PRKG1: variants seen among roughly 807,000 people sequenced by gnomAD.
PRKG1 encodes the protein protein kinase cGMP-dependent 1.
In PRKG1, 35 loss-of-function variants were observed where a neutral mutation model predicts 88.1. That is an observed-to-expected ratio of 0.40 (90% CI 0.30 to 0.53). The LOEUF (loss-of-function observed/expected upper bound fraction) is 0.53. Ranked by LOEUF, PRKG1 falls within the 20% of genes least tolerant of loss-of-function variation. The pLI is 0.59. For synonymous variants in PRKG1, 303 were observed against 292.5 expected (o/e 1.04, Z -0.37); for missense variants, 540 against 839.8 (o/e 0.64, Z 4.41).
At chr10:51,620,472 A>G (rs1278148201) in intron 3 of PRKG1, among the ~76,000 whole-genome samples, 1 of 152,054 alleles carries the variant, frequency 6.6e-6, no homozygotes, top group East Asian at 1.9e-4. Context: ...GTCCTAGGTA[A>G]TGGAAAAATA....
chr10:51,576,694 C>T (rs1837896166), intron 3 of PRKG1, among the ~76,000 whole-genome samples: 1 of 151,850 alleles, frequency 6.6e-6, no homozygotes, highest in Admixed American at 6.6e-5. Context: ...AGAGCAATAT[C>T]CCATTCCTAA....
At chr10:51,698,345 T>C (rs1841362866) in intron 3 of PRKG1, 1 of 1,614,162 alleles carries the variant, frequency 6.2e-7, no homozygotes. Context: ...TAGACCCCTT[T>C]GATCTATCAT....
chr10:52,008,148 A>G (rs929480156), intron 5 of PRKG1, among the ~76,000 whole-genome samples: 2 of 152,204 alleles, frequency 1.3e-5, no homozygotes, highest in African/African-American at 4.8e-5. Flanking sequence ...AGAAGTTTCT[A>G]GTACTAAACA....
intron 1 of PRKG1, among the ~76,000 whole-genome samples, chr10:51,016,692 T>TTTTTTTTTTTTTTTTTC (rs1554830040): frequency 7.5e-6 from 1 of 133,242 alleles, no homozygotes; most frequent in African/African-American, 2.9e-5. Flanking sequence ...TTTTTTTTTT[T>TTTTTTTTTTTTTTTTTC]GGAATCTTGC....
chr10:52,074,855 C>G (rs1049323052), intron 7 of PRKG1, among the ~76,000 whole-genome samples: 2 of 152,082 alleles, frequency 1.3e-5, no homozygotes, highest in Non-Finnish European at 2.9e-5. Flanking sequence ...CTCATGTGTT[C>G]TGATTAAGAC....
At chr10:51,975,356 C>T (rs1843805429) in intron 5 of PRKG1, among the ~76,000 whole-genome samples, 1 of 151,942 alleles carries the variant, frequency 6.6e-6, no homozygotes, top group Non-Finnish European at 1.5e-5. Flanking sequence ...AAAGGCAATC[C>T]TTTCCTACCT....
At chr10:51,778,742 C>T (rs1433448114) in intron 3 of PRKG1, among the ~76,000 whole-genome samples, 1 of 151,900 alleles carries the variant, frequency 6.6e-6, no homozygotes, top group Non-Finnish European at 1.5e-5. Flanking sequence ...TGATATTTAC[C>T]TGTGGGAAAG....
chr10:51,252,054 CAT>C (rs1491490870), intron 2 of PRKG1, among the ~76,000 whole-genome samples: 1 of 151,614 alleles, frequency 6.6e-6, no homozygotes, highest in Non-Finnish European at 1.5e-5. Flanking sequence ...TAATGTAATT[CAT>C]GTGTGTGTGT....
chr10:52,197,111 GT>G (rs1271123022), intron 9 of PRKG1, among the ~76,000 whole-genome samples: 3 of 151,556 alleles, frequency 2.0e-5, no homozygotes, highest in East Asian at 1.9e-4. Context: ...ATACAGATAA[GT>G]TTTTTTTTCC....
chr10:51,969,100 G>A (rs895508540), intron 5 of PRKG1, among the ~76,000 whole-genome samples: 1 of 152,074 alleles, frequency 6.6e-6, no homozygotes, highest in African/African-American at 2.4e-5. Context: ...TGTTAACATT[G>A]GTTTGGGAAT....
intron 3 of PRKG1, among the ~76,000 whole-genome samples, chr10:51,767,277 C>T (rs919852892): frequency 3.9e-5 from 6 of 152,092 alleles, no homozygotes; most frequent in Non-Finnish European, 5.9e-5. Context: ...CACCCTCTAC[C>T]ATGGAGAGCT....
chr10:52,091,910 C>T (rs188732895), intron 7 of PRKG1, among the ~76,000 whole-genome samples: 21 of 152,228 alleles, frequency 1.4e-4, no homozygotes, highest in Admixed American at 3.9e-4. Context: ...TTTTTGAAAG[C>T]GAATCAGATA....
At chr10:51,827,907 C>A (rs1839915502) in intron 4 of PRKG1, among the ~76,000 whole-genome samples, 1 of 152,032 alleles carries the variant, frequency 6.6e-6, no homozygotes, top group Non-Finnish European at 1.5e-5. Context: ...TGAAGAAGTA[C>A]AGGTTTTCTC....
chr10:51,933,506 A>G (rs1842737117), intron 5 of PRKG1, among the ~76,000 whole-genome samples: 2 of 152,124 alleles, frequency 1.3e-5, no homozygotes, highest in South Asian at 4.1e-4. Context: ...AACAGTAACT[A>G]TCAATTCAAC....
At chr10:52,200,741 T>C (rs1037856593) in intron 9 of PRKG1, among the ~76,000 whole-genome samples, 4 of 152,214 alleles carry the variant, frequency 2.6e-5, no homozygotes, top group Non-Finnish European at 5.9e-5. Context: ...TTTTTAGTAA[T>C]AGCCATTCTG....
At chr10:51,699,683 C>T (rs1841412652) in intron 3 of PRKG1, 2 of 1,011,084 alleles carry the variant, frequency 2.0e-6, no homozygotes, top group East Asian at 4.9e-5. Context: ...TGAATCGTTC[C>T]GCTTGCCTGT....
chr10:51,195,508 C>T (rs1454136103), intron 2 of PRKG1, among the ~76,000 whole-genome samples: 1 of 152,162 alleles, frequency 6.6e-6, no homozygotes, highest in Non-Finnish European at 1.5e-5. Flanking sequence ...TCATTGTTTA[C>T]ACTCTTCAAA....
At chr10:51,979,194 C>T (rs1843928288) in intron 5 of PRKG1, among the ~76,000 whole-genome samples, 1 of 151,872 alleles carries the variant, frequency 6.6e-6, no homozygotes, top group South Asian at 2.1e-4. Context: ...TATCCAAAGG[C>T]TTTTCAGCAT....
intron 7 of PRKG1, among the ~76,000 whole-genome samples, chr10:52,093,693 CCT>C (rs1318223564): frequency 6.6e-6 from 1 of 152,072 alleles, no homozygotes; most frequent in South Asian, 2.1e-4. Context: ...CAAATAATCA[CCT>C]CTGTTTATTA....
Sources: allele counts gnomAD v4.1 joint callset (sites outside exome capture counted in the v4.1 genomes callset), GRCh38; gene constraint gnomAD v4.1.1; transcripts MANE v1.5; gene names NCBI Gene and HGNC (gene_info 2026-07-23, HGNC 2026-07-21).